Variants in DMXL1 observed in about 807,000 individuals in gnomAD.
The protein encoded by DMXL1 is Dmx like 1.
Under a neutral mutation model 319.2 loss-of-function variants are expected in DMXL1, and 99 were observed. The observed-to-expected ratio is 0.31, with a 90% CI of 0.26 to 0.37. The LOEUF is 0.37. Among genes scored for constraint, DMXL1 ranks in the 10% least tolerant of loss-of-function variants. The pLI is 1.00. For missense variants in DMXL1, 3,745 were observed against 3,595.6 expected, an observed-to-expected ratio of 1.04 and a Z score of -1.06; for synonymous variants, 1,385 against 1,235.2, an observed-to-expected ratio of 1.12 and a Z score of -2.54.
intron 13 of DMXL1, among the ~76,000 whole-genome samples, chr5:119,140,073 T>C (rs1766963488): frequency 6.6e-6 from 1 of 152,122 alleles, no homozygotes; most frequent in Non-Finnish European, 1.5e-5. Context: ...CTGAAAGTAA[T>C]GGGAATAAAG....
rs117695354 is a variant in DMXL1 at position 119,080,752 on chromosome 5, A to G, written c.87+9096A>G. Among the ~76,000 whole-genome samples the G allele has an allele frequency of 4.1e-4, 62 of 152,270 alleles. No homozygotes were observed. The East Asian group carries it at 0.01, about 25-fold the overall frequency. On this transcript the variant is annotated intron_variant, in intron 1 of 43. Coordinates refer to ENST00000539542, the MANE Select transcript of DMXL1 (RefSeq NM_001290321.3). ...TAGGATAAGGTATGAATTCTTCCCAATGCATTTTACTGTACTTTTCTAGTC... is the reference window on the plus strand; with the variant it reads ...TAGGATAAGGTATGAATTCTTCCCAGTGCATTTTACTGTACTTTTCTAGTC...
intron 8 of DMXL1, among the ~76,000 whole-genome samples, chr5:119,120,297 G>C (rs2149938671): frequency 6.6e-6 from 1 of 152,314 alleles, no homozygotes; most frequent in Middle Eastern, 3.4e-3. Context: ...TGATGCCTCA[G>C]AATATAATAA....
At chr5:119,211,993 G>C (rs966302512) in intron 34 of DMXL1, among the ~76,000 whole-genome samples, 2 of 152,190 alleles carry the variant, frequency 1.3e-5, no homozygotes, top group East Asian at 3.8e-4. Context: ...TCTAAGGGCA[G>C]CTCTGTGGAA....
At chr5:119,080,877 C>G (rs912733373) in intron 1 of DMXL1, among the ~76,000 whole-genome samples, 1 of 152,102 alleles carries the variant, frequency 6.6e-6, no homozygotes, top group African/African-American at 2.4e-5. Flanking sequence ...TTCTTATTTT[C>G]AAGCCATTTC....
chr5:119,136,355 G>C (rs145655586), intron 13 of DMXL1, among the ~76,000 whole-genome samples: 1 of 152,214 alleles, frequency 6.6e-6, no homozygotes, highest in Non-Finnish European at 1.5e-5. Context: ...GTTAACTTAC[G>C]TTTAAAAGGG....
At chr5:119,121,475 TG>T (rs1387124027) in intron 9 of DMXL1, among the ~76,000 whole-genome samples, 2 of 151,918 alleles carry the variant, frequency 1.3e-5, no homozygotes, top group African/African-American at 4.8e-5. Flanking sequence ...TAGGGAGTGG[TG>T]ATGACTCTTA....
At chr5:119,107,049 C>G (rs1007520075) in intron 4 of DMXL1, among the ~76,000 whole-genome samples, 3 of 152,016 alleles carry the variant, frequency 2.0e-5, no homozygotes, top group Admixed American at 1.3e-4. Context: ...AAAAAGTTAT[C>G]TTTGGGGCTG....
rs943133904 is a variant in DMXL1, at chr5:119,136,825, A to C, written c.2376+2436A>C. On this transcript the variant is annotated intron_variant, in intron 13 of 43. Coordinates refer to ENST00000539542, the MANE Select transcript of DMXL1 (RefSeq NM_001290321.3). The stretch of plus-strand genomic sequence containing the variant: ...CACCTAGATTTCAGAGGATGTATGG[A>C]AACACCTGGATGTTCAGGCAGAGGT... Among the ~76,000 whole-genome samples the C allele has an allele frequency of 2.0e-5, 3 of 152,216 alleles. No individual in the cohort carries two copies. The South Asian group carries it at 6.2e-4, about 32-fold the overall frequency.
At chr5:119,215,998 G>C (rs1335849077) in intron 34 of DMXL1, among the ~76,000 whole-genome samples, 2 of 145,604 alleles carry the variant, frequency 1.4e-5, no homozygotes, top group Non-Finnish European at 1.5e-5. Context: ...TGGGAGTCTG[G>C]AGCAGGAGAA....
chr5:119,075,332 C>T (rs892761700), intron 1 of DMXL1, among the ~76,000 whole-genome samples: 6 of 151,022 alleles, frequency 4.0e-5, no homozygotes, highest in South Asian at 2.1e-4. Flanking sequence ...CTCCGCCTCC[C>T]GGGTTCAAGC....
At chr5:119,116,414 A>G in intron 7 of DMXL1, 78 bp downstream of exon 7, 5 of 1,460,688 alleles carry the variant, frequency 3.4e-6, no homozygotes, top group Non-Finnish European at 4.7e-6. Context: ...CTCACTTTTG[A>G]GAGTCCATAG....
chr5:119,224,670 TTTTA>T (rs756717706), intron 37 of DMXL1, 35 bp from the exon 38 acceptor site: 1 of 789,488 alleles, frequency 1.3e-6, no homozygotes, highest in South Asian at 2.6e-5. Context: ...GTTTAATCCT[TTTTA>T]TTATGCCTAT....
At chr5:119,200,103 T>C (rs538132539) in intron 32 of DMXL1, among the ~76,000 whole-genome samples, 1 of 152,362 alleles carries the variant, frequency 6.6e-6, no homozygotes, top group African/African-American at 2.4e-5. Context: ...CAATTTTTGC[T>C]TTTGTTGAAA....
rs945633086 is a variant in DMXL1, at chr5:119,149,942, G to A, written c.4115G>A (p.Arg1372Lys). The A allele has an allele frequency of 1.2e-6, 2 of 1,613,800 alleles. No individual in the cohort carries two copies. The highest frequency in any genetic ancestry group is 1.7e-6 in the Non-Finnish European group (2 of 1,179,876). ...GAATCTAATCATGAACGCCGCCTTA[G>A]GTCTCTCACAATCAGTGCTAGTGGA... ...EAESNHERRL[R>K]SLTISASGST... Residue 1372 changes from arginine (R) to lysine (K), a missense_variant, in exon 18 of 44, where the codon AGG becomes AAG. Arg to Lys is a conservative substitution (Grantham distance 26, BLOSUM62 2). Around this residue, in one of 4 missense-constraint regions of DMXL1, gnomAD observed 2,096 missense variants for 1,985.4 expected, o/e 1.06. Coordinates refer to ENST00000539542, the MANE Select transcript of DMXL1 (RefSeq NM_001290321.3).
At chr5:119,187,419 C>T (rs1306662314) in intron 28 of DMXL1, among the ~76,000 whole-genome samples, 1 of 152,092 alleles carries the variant, frequency 6.6e-6, no homozygotes, top group Non-Finnish European at 1.5e-5. Context: ...TTTATCGGTG[C>T]CCCTAAGCTT....
intron 28 of DMXL1, among the ~76,000 whole-genome samples, chr5:119,179,479 G>A (rs1441032181): frequency 1.3e-5 from 2 of 152,088 alleles, no homozygotes; most frequent in Admixed American, 6.6e-5. Flanking sequence ...AGCAGTTGGT[G>A]AGGGACATGA....
intron 2 of DMXL1, among the ~76,000 whole-genome samples, chr5:119,100,218 C>T (rs1756930758): frequency 6.6e-6 from 1 of 151,812 alleles, no homozygotes; most frequent in East Asian, 1.9e-4. Flanking sequence ...ATCATGAGGT[C>T]AGGAGTTCAA....
intron 1 of DMXL1, among the ~76,000 whole-genome samples, chr5:119,074,980 T>G (rs1380184235): frequency 6.6e-6 from 1 of 152,172 alleles, no homozygotes; most frequent in African/African-American, 2.4e-5. Context: ...TTCATAGAGT[T>G]GCTACATGAA....
intron 18 of DMXL1, among the ~76,000 whole-genome samples, chr5:119,150,899 T>A (rs188805219): frequency 1.1e-3 from 161 of 151,974 alleles, no homozygotes; most frequent in African/African-American, 3.8e-3. Context: ...ACTCTTAATA[T>A]GCACTATTTA....
Sources: allele counts gnomAD v4.1 joint callset (sites outside exome capture counted in the v4.1 genomes callset), GRCh38; gene constraint gnomAD v4.1.1; regional missense constraint gnomAD v4.1.1; transcripts MANE v1.5; gene names NCBI Gene and HGNC (gene_info 2026-07-23, HGNC 2026-07-21).